GPR158: variants seen among roughly 807,000 people sequenced by gnomAD.
GPR158 encodes the protein G protein-coupled receptor 158.
Under a neutral mutation model 78.2 loss-of-function variants are expected in GPR158, and 30 were observed. That is an observed-to-expected ratio of 0.38 (90% CI 0.29 to 0.52). The LOEUF (loss-of-function observed/expected upper bound fraction) is 0.52. GPR158 is among the 20% of genes least tolerant of loss of function. The probability of loss-of-function intolerance (pLI) is 0.83; values close to 1 mark genes in which losing one functional copy is unlikely to be tolerated. For synonymous variants in GPR158, 581 were observed against 591.1 expected (o/e 0.98, Z 0.25); for missense variants, 1,463 against 1,523.5 (o/e 0.96, Z 0.66).
intron 2 of GPR158, among the ~76,000 whole-genome samples, chr10:25,365,185 T>A (rs761808110): frequency 2.3e-4 from 35 of 151,604 alleles, no homozygotes; most frequent in Non-Finnish European, 4.6e-4. Context: ...AAATTTTTCA[T>A]GTTTGCAGAT....
intron 2 of GPR158, among the ~76,000 whole-genome samples, chr10:25,277,207 T>C (rs1271900427): frequency 6.6e-6 from 1 of 152,138 alleles, no homozygotes; most frequent in Non-Finnish European, 1.5e-5. Flanking sequence ...CACCTCAGCC[T>C]TTCCAAGTAG....
chr10:25,248,348 T>C (rs951958776), intron 2 of GPR158, among the ~76,000 whole-genome samples: 1 of 152,202 alleles, frequency 6.6e-6, no homozygotes, highest in Non-Finnish European at 1.5e-5. Context: ...ATTTTGTCTT[T>C]TGTTGCCATT....
At chr10:25,366,955 A>G (rs1054674657) in intron 2 of GPR158, among the ~76,000 whole-genome samples, 1 of 151,710 alleles carries the variant, frequency 6.6e-6, no homozygotes, top group Admixed American at 6.6e-5. Context: ...TATTGTAGCT[A>G]TAGACCTTGT....
chr10:25,231,380 C>T (rs1395276430), intron 2 of GPR158, among the ~76,000 whole-genome samples: 1 of 152,144 alleles, frequency 6.6e-6, no homozygotes, highest in African/African-American at 2.4e-5. Flanking sequence ...TAATTTGCCT[C>T]TTCTGCTTAT....
At chr10:25,387,340 A>G (rs563479765) in intron 2 of GPR158, among the ~76,000 whole-genome samples, 1 of 152,290 alleles carries the variant, frequency 6.6e-6, no homozygotes, top group South Asian at 2.1e-4. Flanking sequence ...TTTGTGGTGT[A>G]TAATCCTTTT....
intron 2 of GPR158, among the ~76,000 whole-genome samples, chr10:25,342,045 A>G (rs1170476759): frequency 6.6e-6 from 1 of 151,882 alleles, no homozygotes; most frequent in Non-Finnish European, 1.5e-5. Context: ...GTACAAATAT[A>G]CTATACCTTC....
At chr10:25,530,420 T>C (rs1836408340) in intron 5 of GPR158, among the ~76,000 whole-genome samples, 1 of 152,134 alleles carries the variant, frequency 6.6e-6, no homozygotes, top group Non-Finnish European at 1.5e-5. Context: ...ATTACGGATG[T>C]AGAATCCACA....
At chr10:25,240,541 T>C (rs1033146987) in intron 2 of GPR158, among the ~76,000 whole-genome samples, 9 of 152,172 alleles carry the variant, frequency 5.9e-5, no homozygotes, top group Admixed American at 2.0e-4. Flanking sequence ...GGCATCAGGA[T>C]GCACGCCTTT....
chr10:25,387,185 G>C (rs80327136), intron 2 of GPR158, among the ~76,000 whole-genome samples: 1 of 152,086 alleles, frequency 6.6e-6, no homozygotes, highest in Non-Finnish European at 1.5e-5. Flanking sequence ...TATCATAAAA[G>C]GGTGTTGCAT....
intron 2 of GPR158, among the ~76,000 whole-genome samples, chr10:25,265,342 G>A (rs1430455521): frequency 6.6e-6 from 1 of 152,112 alleles, no homozygotes; most frequent in Non-Finnish European, 1.5e-5. Context: ...AAGCAAGAAA[G>A]TCATATGTTC....
intron 5 of GPR158, among the ~76,000 whole-genome samples, chr10:25,510,853 C>T (rs182946240): frequency 5.3e-5 from 8 of 152,260 alleles, no homozygotes; most frequent in South Asian, 4.2e-4. Context: ...CAATTCCATC[C>T]GGGTTGCTGT....
At chr10:25,465,759 C>G (rs571259847) in intron 4 of GPR158, among the ~76,000 whole-genome samples, 3 of 152,254 alleles carry the variant, frequency 2.0e-5, no homozygotes, top group Admixed American at 2.0e-4. Context: ...AACACTATCC[C>G]ACAGGTATTT....
At chr10:25,455,249 G>T (rs555347839) in intron 4 of GPR158, among the ~76,000 whole-genome samples, 72 of 152,252 alleles carry the variant, frequency 4.7e-4, no homozygotes, top group African/African-American at 1.6e-3. Flanking sequence ...TTAGAAAGAG[G>T]TTTAGTCTGA....
At chr10:25,390,788 C>A (rs1834284849) in intron 2 of GPR158, among the ~76,000 whole-genome samples, 1 of 152,122 alleles carries the variant, frequency 6.6e-6, no homozygotes, top group Non-Finnish European at 1.5e-5. Context: ...ACATAAGTAA[C>A]AAGGAAATGC....
At chr10:25,263,461 A>G (rs1337651556) in intron 2 of GPR158, among the ~76,000 whole-genome samples, 2 of 152,060 alleles carry the variant, frequency 1.3e-5, no homozygotes, top group East Asian at 1.9e-4. Flanking sequence ...CAGTCCTCCA[A>G]CTTTGTTCTC....
intron 4 of GPR158, among the ~76,000 whole-genome samples, chr10:25,427,508 A>T (rs1834841009): frequency 6.6e-6 from 1 of 152,060 alleles, no homozygotes; most frequent in African/African-American, 2.4e-5. Context: ...GTATCTACCT[A>T]TAAAATTTCC....
chr10:25,553,729 A>G (rs1293924162), intron 6 of GPR158, among the ~76,000 whole-genome samples: 1 of 152,140 alleles, frequency 6.6e-6, no homozygotes. Context: ...CAAGAAACAT[A>G]TGGCCCTGAA....
intron 6 of GPR158, among the ~76,000 whole-genome samples, chr10:25,555,030 G>A (rs547202506): frequency 6.6e-6 from 1 of 150,378 alleles, no homozygotes; most frequent in African/African-American, 2.5e-5. Flanking sequence ...AAGAAAAGAA[G>A]AGAAAAGAAG....
intron 2 of GPR158, among the ~76,000 whole-genome samples, chr10:25,230,002 G>A (rs1285541804): frequency 2.0e-5 from 3 of 152,168 alleles, no homozygotes; most frequent in Non-Finnish European, 4.4e-5. Context: ...GGTTATGGTC[G>A]TTTGTTATAG....
Sources: allele counts gnomAD v4.1 joint callset (sites outside exome capture counted in the v4.1 genomes callset), GRCh38; gene constraint gnomAD v4.1.1; transcripts MANE v1.5; gene names NCBI Gene and HGNC (gene_info 2026-07-23, HGNC 2026-07-21).